Variants in GCSAML observed in about 807,000 individuals in gnomAD.
GCSAML encodes germinal center-associated signaling and motility-like protein.
In GCSAML, 9 loss-of-function variants were observed where a neutral mutation model predicts 13.0. That is an observed-to-expected ratio of 0.69 (90% CI 0.42 to 1.21). The LOEUF (loss-of-function observed/expected upper bound fraction) is 1.21, where lower values mean the gene tolerates loss of function less well. Among genes scored for constraint, GCSAML ranks in the 50% most tolerant of loss-of-function variants. GCSAML has a pLI of 0.00. For synonymous variants in GCSAML, 37 were observed against 52.9 expected, an observed-to-expected ratio of 0.70 and a Z score of 1.31; for missense variants, 143 against 153.4, an observed-to-expected ratio of 0.93 and a Z score of 0.36.
At chr1:247,547,019 T>C, upstream of GCSAML, among the ~76,000 whole-genome samples, 1 of 151,470 alleles carries the variant, frequency 6.6e-6, no homozygotes. Context: ...GGAGGATCGC[T>C]TGAGTCTGGG....
rs114759870 is a variant in GCSAML at position 247,572,715 on chromosome 1, A to T, written c.169-1428A>T. ...CACTTGAGGAGGCCATCTTTCCCTTAGCAGTGCTTGAGCACTGTGCTGGGA... is the reference window on the plus strand; with the variant it reads ...CACTTGAGGAGGCCATCTTTCCCTTTGCAGTGCTTGAGCACTGTGCTGGGA... On this transcript the variant is annotated intron_variant, in intron 4 of 4. Coordinates refer to ENST00000366488, the MANE Select transcript of GCSAML (RefSeq NM_145278.5). 4.4e-3 allele frequency among the ~76,000 whole-genome samples: 677 copies of T among 152,328 alleles called. 2 individuals carry two copies. The highest frequency in any genetic ancestry group is 0.015 in the African/African-American group (640 of 41,584).
chr1:247,523,203 GTC>G (rs1428200437), intron 1 of GCSAML, among the ~76,000 whole-genome samples: 3 of 152,092 alleles, frequency 2.0e-5, no homozygotes, highest in Non-Finnish European at 4.4e-5. Flanking sequence ...TGTAGTTTTG[GTC>G]TCTGTTACAG....
intron 2 of GCSAML, among the ~76,000 whole-genome samples, chr1:247,535,199 C>T (rs1240178107): frequency 6.6e-6 from 1 of 152,088 alleles, no homozygotes; most frequent in East Asian, 1.9e-4. Context: ...CCTGTAGTCT[C>T]AGCTACTTGG....
At chr1:247,509,816 G>C (rs1004714366) in intron 1 of GCSAML, among the ~76,000 whole-genome samples, 2 of 152,128 alleles carry the variant, frequency 1.3e-5, no homozygotes, top group Non-Finnish European at 2.9e-5. Context: ...ATTGATTTGT[G>C]TATGTTGAAC....
At chr1:247,565,794 G>T in intron 3 of GCSAML, 137 bp from the exon 4 acceptor site, 1 of 648,588 alleles carries the variant, frequency 1.5e-6, no homozygotes, top group Non-Finnish European at 2.6e-6. Context: ...TGTCATGTCA[G>T]ATGTTTAGAT....
At chr1:247,528,718 A>T (rs937963910) in intron 2 of GCSAML, 10 of 152,258 alleles carry the variant, frequency 6.6e-5, no homozygotes, top group Admixed American at 3.9e-4. Flanking sequence ...AAGTTTGGAT[A>T]TGCACTGATT....
At chr1:247,516,798 T>C (rs1428469118) in intron 1 of GCSAML, among the ~76,000 whole-genome samples, 1 of 152,188 alleles carries the variant, frequency 6.6e-6, no homozygotes, top group Non-Finnish European at 1.5e-5. Flanking sequence ...GGAGTGATAG[T>C]AGAAAATTAT....
intron 1 of GCSAML, chr1:247,524,920 A>G (rs1666617062): frequency 6.6e-6 from 1 of 152,240 alleles, no homozygotes. Context: ...ATAGCCCCAA[A>G]ACATACCAGA....
chr1:247,546,933 TAAAA>T (rs767482285), upstream of GCSAML, among the ~76,000 whole-genome samples: 23 of 102,184 alleles, frequency 2.3e-4, no homozygotes, highest in African/African-American at 1.1e-3. Flanking sequence ...CTACTAAAAT[TAAAA>T]AAAAAAAAAA....
intron 2 of GCSAML, chr1:247,531,584 A>G (rs148496514): frequency 1.9e-6 from 3 of 1,614,146 alleles, no homozygotes; most frequent in Non-Finnish European, 2.5e-6. Context: ...GAGCCACAGC[A>G]GTTCTCTAAT....
At position 247,577,576 on chromosome 1, in the gene GCSAML, C is replaced by T. The variant is rs1185278288; in HGVS notation, c.*3194C>T. ...CATCTTACTTGTCTCAGCATATCACCATATAGATATACTATAATTTGTTAA... is the reference window on the plus strand; with the variant it reads ...CATCTTACTTGTCTCAGCATATCACTATATAGATATACTATAATTTGTTAA... On this transcript the variant is annotated 3_prime_UTR_variant, in exon 5 of 5. Coordinates refer to ENST00000366488, the MANE Select transcript of GCSAML (RefSeq NM_145278.5). 1 of 152,088 alleles carries T rather than the reference C, an allele frequency of 6.6e-6. No individual in the cohort carries two copies. The highest frequency in any genetic ancestry group is 1.9e-4 in the East Asian group (1 of 5,192). The allele number at this position is 152,088 out of a possible 1,614,324, so 9.4% of individuals were successfully genotyped here. A position where few individuals can be genotyped will look rare whatever the true frequency, so the allele number is the denominator to read the frequency against.
At chr1:247,516,160 T>C (rs1445395113) in intron 1 of GCSAML, among the ~76,000 whole-genome samples, 2 of 152,202 alleles carry the variant, frequency 1.3e-5, no homozygotes, top group Non-Finnish European at 2.9e-5. Context: ...AGAACACTCA[T>C]GTCAATACGG....
At chr1:247,568,325 T>C (rs1038892495) in intron 4 of GCSAML, among the ~76,000 whole-genome samples, 7 of 152,246 alleles carry the variant, frequency 4.6e-5, no homozygotes, top group Admixed American at 4.6e-4. Flanking sequence ...ATTTAAATCT[T>C]TAATCCAACT....
chr1:247,524,701 T>A (rs1666603817), intron 1 of GCSAML: 1 of 152,158 alleles, frequency 6.6e-6, no homozygotes, highest in South Asian at 2.1e-4. Context: ...TGATAGTTTA[T>A]TTAATACATA....
At chr1:247,569,181 T>G (rs1403869831) in intron 4 of GCSAML, among the ~76,000 whole-genome samples, 3 of 152,158 alleles carry the variant, frequency 2.0e-5, no homozygotes, top group Non-Finnish European at 4.4e-5. Context: ...TCTCTTCCTA[T>G]TTGAATACCC....
chr1:247,539,785 G>T (rs1272897881), intron 2 of GCSAML, among the ~76,000 whole-genome samples: 1 of 152,106 alleles, frequency 6.6e-6, no homozygotes. Flanking sequence ...GAATCACCCT[G>T]TCTCAGCTAG....
At chr1:247,549,689 C>T (rs186813731) in intron 1 of GCSAML, among the ~76,000 whole-genome samples, 275 of 151,854 alleles carry the variant, frequency 1.8e-3, no homozygotes, top group Admixed American at 3.7e-3. Flanking sequence ...CCATCAGCTT[C>T]GTGGGTTGGT....
intron 3 of GCSAML, 89 bp from the exon 4 acceptor site, chr1:247,565,842 T>A: frequency 9.3e-7 from 1 of 1,074,078 alleles, no homozygotes; most frequent in South Asian, 1.6e-5. Flanking sequence ...TACATTCTGT[T>A]TTTTTCACCT....
chr1:247,518,687 T>C (rs538832607), intron 1 of GCSAML: 22 of 152,432 alleles, frequency 1.4e-4, no homozygotes, highest in Non-Finnish European at 2.6e-4. Flanking sequence ...CACAATGGCA[T>C]CCATTAATAA....
Sources: allele counts gnomAD v4.1 joint callset (sites outside exome capture counted in the v4.1 genomes callset), GRCh38; gene constraint gnomAD v4.1.1; transcripts MANE v1.5; gene names NCBI Gene and HGNC (gene_info 2026-07-23, HGNC 2026-07-21).